Variants in ARHGAP42 observed in about 807,000 individuals in gnomAD.
ARHGAP42 encodes Rho GTPase activating protein 42.
A neutral mutation model predicts 125.0 loss-of-function variants in ARHGAP42; 63 were observed. The ratio of observed to expected loss-of-function variants is 0.50; its 90% CI spans 0.41 to 0.62. ARHGAP42 has a LOEUF of 0.62. Ranked by LOEUF, ARHGAP42 falls within the 20% of genes least tolerant of loss-of-function variation. The pLI, the probability that ARHGAP42 is intolerant of heterozygous loss-of-function variation, is 0.00. For missense variants in ARHGAP42, 766 were observed against 1,024.2 expected (o/e 0.75, Z 3.44); for synonymous variants, 339 against 351.0 (o/e 0.97, Z 0.38).
chr11:100,704,344 T>C (rs1349189922), intron 1 of ARHGAP42, among the ~76,000 whole-genome samples: 1 of 152,158 alleles, frequency 6.6e-6, no homozygotes, highest in African/African-American at 2.4e-5. Flanking sequence ...TCTTAGCTTT[T>C]GGGACAGCTT....
chr11:100,781,621 C>T (rs1327408623), intron 2 of ARHGAP42, among the ~76,000 whole-genome samples: 2 of 151,836 alleles, frequency 1.3e-5, no homozygotes, highest in Admixed American at 1.3e-4. Flanking sequence ...AATCCTCACC[C>T]CAAGGGGGTT....
At chr11:100,728,281 A>G (rs1057333207) in intron 1 of ARHGAP42, among the ~76,000 whole-genome samples, 55 of 152,300 alleles carry the variant, frequency 3.6e-4, no homozygotes, top group African/African-American at 1.3e-3. Context: ...CCCACCTGCA[A>G]AAGGGGTGGG....
intron 3 of ARHGAP42, among the ~76,000 whole-genome samples, chr11:100,821,778 A>C (rs965658950): frequency 1.3e-5 from 2 of 151,984 alleles, no homozygotes; most frequent in Admixed American, 6.6e-5. Flanking sequence ...CTTCCAATGC[A>C]GTTTGAAGCT....
chr11:100,982,987 T>C (rs1450274854), intron 22 of ARHGAP42, among the ~76,000 whole-genome samples: 1 of 152,220 alleles, frequency 6.6e-6, no homozygotes, highest in Non-Finnish European at 1.5e-5. Flanking sequence ...GATTTTCCTT[T>C]AGAAAATGTG....
chr11:100,919,785 A>G (rs1867184238), intron 5 of ARHGAP42, among the ~76,000 whole-genome samples: 1 of 152,200 alleles, frequency 6.6e-6, no homozygotes, highest in African/African-American at 2.4e-5. Flanking sequence ...ATATTCTTGC[A>G]GCCCTTTCAC....
At chr11:100,781,463 A>T (rs191268461) in intron 2 of ARHGAP42, among the ~76,000 whole-genome samples, 1 of 152,294 alleles carries the variant, frequency 6.6e-6, no homozygotes. Context: ...TCACATGGGT[A>T]CTAGAACCTT....
intron 3 of ARHGAP42, among the ~76,000 whole-genome samples, chr11:100,805,541 A>G (rs980160526): frequency 6.6e-6 from 1 of 152,198 alleles, no homozygotes; most frequent in African/African-American, 2.4e-5. Flanking sequence ...CGAGTCTGTA[A>G]AATGAAAGTT....
At chr11:100,987,375 G>A (rs769982527) in intron 22 of ARHGAP42, 138 bp from the exon 23 acceptor site, 2 of 676,126 alleles carry the variant, frequency 3.0e-6, no homozygotes, top group Non-Finnish European at 5.2e-6. Flanking sequence ...AAGCACCGAT[G>A]TACACTCATA....
intron 3 of ARHGAP42, among the ~76,000 whole-genome samples, chr11:100,827,104 A>T (rs1864536326): frequency 1.3e-5 from 2 of 149,450 alleles, no homozygotes; most frequent in Admixed American, 6.8e-5. Context: ...CCTAGAATCA[A>T]GTGATTCTTC....
At chr11:100,805,189 T>C (rs780908586) in intron 3 of ARHGAP42, among the ~76,000 whole-genome samples, 1 of 152,204 alleles carries the variant, frequency 6.6e-6, no homozygotes, top group Non-Finnish European at 1.5e-5. Flanking sequence ...CAAAGGCACA[T>C]AACTAATACG....
At chr11:100,875,577 G>A (rs1009414624) in intron 4 of ARHGAP42, among the ~76,000 whole-genome samples, 2 of 152,256 alleles carry the variant, frequency 1.3e-5, no homozygotes, top group South Asian at 2.1e-4. Context: ...CGGCCGAGAC[G>A]GGAAGGATGA....
At chr11:100,850,108 T>C (rs1742866327) in intron 3 of ARHGAP42, among the ~76,000 whole-genome samples, 2 of 152,204 alleles carry the variant, frequency 1.3e-5, no homozygotes, top group African/African-American at 4.8e-5. Context: ...TCTACTGAAG[T>C]TGACTTTTTA....
At chr11:100,736,788 T>G (rs560605566) in intron 1 of ARHGAP42, among the ~76,000 whole-genome samples, 1 of 152,320 alleles carries the variant, frequency 6.6e-6, no homozygotes, top group South Asian at 2.1e-4. Context: ...TTTGTTTGGC[T>G]TACATAAACG....
At chr11:100,704,601 C>T (rs576636799) in intron 1 of ARHGAP42, among the ~76,000 whole-genome samples, 3 of 151,554 alleles carry the variant, frequency 2.0e-5, no homozygotes, top group African/African-American at 4.8e-5. Context: ...TGATATCCAC[C>T]GGTAAGAGGG....
At chr11:100,744,935 T>C (rs889680102) in intron 1 of ARHGAP42, among the ~76,000 whole-genome samples, 20 of 152,330 alleles carry the variant, frequency 1.3e-4, no homozygotes, top group Middle Eastern at 3.4e-3. Context: ...TTCTTATTCC[T>C]GGCGCACGTG....
chr11:100,764,694 G>C (rs11224438), intron 1 of ARHGAP42, among the ~76,000 whole-genome samples: 2,077 of 152,232 alleles, frequency 0.014, 62 homozygotes, highest in African/African-American at 0.047. Context: ...AGGAAAGAAG[G>C]GAGGGTAAAA....
intron 4 of ARHGAP42, among the ~76,000 whole-genome samples, chr11:100,905,577 C>T (rs1866706293): frequency 1.3e-5 from 2 of 151,936 alleles, no homozygotes; most frequent in Admixed American, 6.6e-5. Flanking sequence ...ATATCAGATT[C>T]TATGATTACT....
At chr11:100,726,240 A>G (rs1161010677) in intron 1 of ARHGAP42, among the ~76,000 whole-genome samples, 1 of 152,204 alleles carries the variant, frequency 6.6e-6, no homozygotes, top group Non-Finnish European at 1.5e-5. Flanking sequence ...CCTTTTCAGA[A>G]AGTAATCCCC....
At chr11:100,763,060 A>ACCT (rs1217897931) in intron 1 of ARHGAP42, among the ~76,000 whole-genome samples, 4 of 137,822 alleles carry the variant, frequency 2.9e-5, no homozygotes, top group African/African-American at 8.2e-5. Flanking sequence ...GCTCACCACA[A>ACCT]CCTCCTCCTC....
Sources: allele counts gnomAD v4.1 joint callset (sites outside exome capture counted in the v4.1 genomes callset), GRCh38; gene constraint gnomAD v4.1.1; transcripts MANE v1.5; gene names NCBI Gene and HGNC (gene_info 2026-07-23, HGNC 2026-07-21).